Variants in ACO1 observed in about 807,000 individuals in gnomAD.
The protein encoded by ACO1 is cytoplasmic aconitate hydratase.
A neutral mutation model predicts 105.1 loss-of-function variants in ACO1; 78 were observed. The observed-to-expected ratio is 0.74, with a 90% CI of 0.62 to 0.90. The LOEUF is 0.90. Ranked by LOEUF, ACO1 falls within the 40% of genes least tolerant of loss-of-function variation. The pLI is 0.00. For synonymous variants in ACO1, 364 were observed against 397.4 expected (o/e 0.92, Z 1.00); for missense variants, 965 against 1,111.1 (o/e 0.87, Z 1.87).
chr9:32,434,803 T>C, intron 17 of ACO1, 102 bp downstream of exon 17: 1 of 1,416,958 alleles, frequency 7.1e-7, no homozygotes, highest in South Asian at 1.3e-5. Context: ...AATGAGACTC[T>C]TTGGTTGTGC....
In ACO1 at chr9:32,431,741, G is replaced by T; in HGVS notation, c.1749G>T (p.Gln583His). 6.2e-7 allele frequency: 1 copy of T among 1,614,100 alleles called. No homozygotes were observed. ...EPLGVNAKGQ[Q>H]VFLKDIWPTR... ...CAGGAGTAAATGCAAAGGGACAGCA[G>T]GTATTTCTGAAAGATATCTGGCCGA... The change falls in exon 15 of 21, where the codon CAG becomes CAT. Residue 583 changes from glutamine (Q) to histidine (H), a missense_variant. By Grantham distance (24) the Gln-to-His change is conservative. Coordinates refer to ENST00000309951, the MANE Select transcript of ACO1 (RefSeq NM_002197.3).
At chr9:32,436,674 G>A (rs1161753044) in intron 18 of ACO1, among the ~76,000 whole-genome samples, 2 of 152,152 alleles carry the variant, frequency 1.3e-5, no homozygotes, top group African/African-American at 4.8e-5. Context: ...GTATTCGAAG[G>A]GGAAATACCA....
chr9:32,440,578 T>C lies in ACO1; in HGVS notation c.2361T>C (p.Pro787=). The C allele has an allele frequency of 6.2e-7, 1 of 1,613,744 alleles. No homozygotes were observed. The highest frequency in any genetic ancestry group is 8.5e-7 in the Non-Finnish European group (1 of 1,179,816). The change falls in exon 19 of 21, where the codon CCT becomes CCC. Residue 787 remains proline (P), a synonymous_variant. Transcript: ENST00000309951. ...CCCGAGACTGGGCAGCTAAGGGCCC[T>C]TTCCTGCTGGTGAGTATGAAGTAGA... ...GSSRDWAAKG[P]FLLGIKAVLA...
chr9:32,419,225 GCTT>G (rs1821918770), intron 7 of ACO1, 48 bp downstream of exon 7: 1 of 1,492,962 alleles, frequency 6.7e-7, no homozygotes, highest in Non-Finnish European at 9.0e-7. Context: ...CACAATGATA[GCTT>G]TCCAATGGAG....
intron 20 of ACO1, 137 bp from the exon 21 acceptor site, chr9:32,449,861 A>G (rs1822717556): frequency 4.6e-6 from 3 of 657,208 alleles, no homozygotes; most frequent in East Asian, 5.2e-5. Flanking sequence ...TGGGGCCAGC[A>G]GCCTTGCATG....
chr9:32,426,123 G>C, intron 11 of ACO1, 126 bp downstream of exon 11: 1 of 934,986 alleles, frequency 1.1e-6, no homozygotes, highest in South Asian at 2.0e-5. Flanking sequence ...TCCAGATACA[G>C]ATATTTATTG....
intron 12 of ACO1, among the ~76,000 whole-genome samples, chr9:32,429,191 CTCAT>C (rs1357673759): frequency 2.0e-5 from 3 of 152,048 alleles, no homozygotes; most frequent in East Asian, 1.9e-4. Context: ...TAAATTGTTG[CTCAT>C]TCAATTTGAT....
chr9:32,438,120 T>C lies in ACO1; in HGVS notation c.2247+1723T>C, dbSNP rs554904772. ...AGCAACAAAAGGAGAAATCTCAACA[T>C]TTCCAGAGAAAAACAGCTCACATGA... On this transcript the variant is annotated intron_variant, in intron 18 of 20. Coordinates refer to ENST00000309951, the MANE Select transcript of ACO1 (RefSeq NM_002197.3). 7.2e-5 allele frequency among the ~76,000 whole-genome samples: 11 copies of C among 152,284 alleles called. No homozygotes were observed. In the South Asian group the frequency reaches 2.3e-3, roughly 32 times the overall value.
At chr9:32,394,313 C>T (rs1357246804) in intron 1 of ACO1, among the ~76,000 whole-genome samples, 1 of 152,192 alleles carries the variant, frequency 6.6e-6, no homozygotes, top group Non-Finnish European at 1.5e-5. Flanking sequence ...CTTTATCAGC[C>T]TTCATCCACC....
At chr9:32,413,355 A>T (rs918142487) in intron 4 of ACO1, among the ~76,000 whole-genome samples, 9 of 152,024 alleles carry the variant, frequency 5.9e-5, no homozygotes, top group African/African-American at 2.2e-4. Flanking sequence ...ATGGTGGTGC[A>T]TGCCTGTAGT....
In ACO1 at chr9:32,450,259, G is replaced by A. The variant is rs752956914; in HGVS notation, c.*148G>A. ...GCACTGAGGGTCTGGTGCCAATCCT[G>A]TAGGCACAAAACCAGAAGTTTCTAC... On this transcript the variant is annotated 3_prime_UTR_variant, in exon 21 of 21. Transcript: ENST00000309951. 2.7e-6 allele frequency: 2 copies of A among 748,532 alleles called. No homozygotes were observed. Among genetic ancestry groups the A allele is most frequent in the East Asian group, 2.5e-5 (1 of 40,224 alleles). The allele number at this position is 748,532 out of a possible 1,614,324, so 46.4% of individuals were successfully genotyped here. A position where few individuals can be genotyped will look rare whatever the true frequency, so the allele number is the denominator to read the frequency against.
At chr9:32,408,158 C>T (rs2118411994) in intron 3 of ACO1, among the ~76,000 whole-genome samples, 1 of 152,318 alleles carries the variant, frequency 6.6e-6, no homozygotes, top group Non-Finnish European at 1.5e-5. Context: ...TGAAAGTCTT[C>T]TCCAGGTCTT....
intron 1 of ACO1, among the ~76,000 whole-genome samples, chr9:32,395,840 T>G (rs1189910007): frequency 3.3e-5 from 5 of 152,242 alleles, no homozygotes; most frequent in Non-Finnish European, 7.3e-5. Flanking sequence ...AAAGTAAAAG[T>G]GAATATTTCT....
intron 19 of ACO1, among the ~76,000 whole-genome samples, chr9:32,446,082 T>C (rs1287875759): frequency 1.3e-5 from 2 of 152,220 alleles, no homozygotes; most frequent in Non-Finnish European, 2.9e-5. Flanking sequence ...AGAATGTATA[T>C]TCTACTGATT....
Position 32,453,053 on chromosome 9 carries a change from G to A in ACO1, c.*2942G>A, listed in dbSNP as rs921490406. 1 of 148,770 alleles carries A rather than the reference G, an allele frequency of 6.7e-6. No individual in the cohort carries two copies. The highest frequency in any genetic ancestry group is 6.9e-5 in the Admixed American group (1 of 14,574). The allele number at this position is 148,770 out of a possible 1,614,324, so 9.2% of individuals were successfully genotyped here. ...TAAATAAACCAACTTCTTTTACCTG[G>A]TTCTTTAAGGGCTGCTCGTCTTACT... On this transcript the variant is annotated 3_prime_UTR_variant, in exon 21 of 21. Transcript: ENST00000309951.
chr9:32,443,061 T>A (rs1822517591), intron 19 of ACO1, among the ~76,000 whole-genome samples: 1 of 152,206 alleles, frequency 6.6e-6, no homozygotes, highest in Admixed American at 6.5e-5. Context: ...AGTCTTTTGT[T>A]TATTTTTGTT....
rs1454313012 is a variant in ACO1, at chr9:32,439,037, GTC to G, written c.2248-1427_2248-1426del. On this transcript the variant is annotated intron_variant, in intron 18 of 20. Coordinates refer to ENST00000309951, the MANE Select transcript of ACO1 (RefSeq NM_002197.3). The surrounding 1 kb of genome is among the most constrained non-coding windows in gnomAD (Gnocchi z 4.0). ...GCAGGGAGCTGTTGCTTTCTAAGCT[GTC>G]AGTGGCTCTCAGCATGGCGTGTTTA... Among the ~76,000 whole-genome samples the G allele has an allele frequency of 1.3e-5, 2 of 152,230 alleles. No homozygotes were observed. Among genetic ancestry groups the G allele is most frequent in the African/African-American group, 4.8e-5 (2 of 41,460 alleles).
intron 14 of ACO1, among the ~76,000 whole-genome samples, chr9:32,431,485 A>C (rs1462947449): frequency 6.6e-6 from 1 of 152,206 alleles, no homozygotes; most frequent in Non-Finnish European, 1.5e-5. Context: ...TTGCTATTAA[A>C]TAAGGTGAAT....
In ACO1 at chr9:32,430,571, T is replaced by C. The variant is rs1435711069; in HGVS notation, c.1723T>C (p.Leu575=). Reference sequence around the variant, plus strand: ...CAGAATCGACTTTGAGAAAGAGCCATTGGGTAAGATTTTGTTTGTGCAGCC... The same window carrying C: ...CAGAATCGACTTTGAGAAAGAGCCACTGGGTAAGATTTTGTTTGTGCAGCC... The part of the protein sequence containing the change: ...TIRIDFEKEP[L]GVNAKGQQVF... Residue 575 remains leucine, a synonymous_variant, in exon 14 of 21, where the codon TTG becomes CTG. Transcript: ENST00000309951. 7.5e-6 allele frequency: 12 copies of C among 1,599,710 alleles called. No individual in the cohort carries two copies. The highest frequency in any genetic ancestry group is 2.3e-5 in the South Asian group (2 of 88,046).
Sources: allele counts gnomAD v4.1 joint callset (sites outside exome capture counted in the v4.1 genomes callset), GRCh38; gene constraint gnomAD v4.1.1; non-coding constraint Gnocchi (gnomAD v3.1); transcripts MANE v1.5; gene names NCBI Gene and HGNC (gene_info 2026-07-23, HGNC 2026-07-21).